CAMTA1: variants seen among roughly 807,000 people sequenced by gnomAD.
CAMTA1 encodes the protein calmodulin binding transcription activator 1.
In CAMTA1, 27 loss-of-function variants were observed where a neutral mutation model predicts 170.9. The observed-to-expected ratio is 0.16, with a 90% CI of 0.12 to 0.22. The LOEUF is 0.22. Among genes scored for constraint, CAMTA1 ranks in the 10% least tolerant of loss-of-function variants. CAMTA1 has a pLI of 1.00. For missense variants in CAMTA1, 1,619 were observed against 2,217.2 expected (o/e 0.73, Z 5.42); for synonymous variants, 833 against 891.5 (o/e 0.93, Z 1.17).
intron 6 of CAMTA1, among the ~76,000 whole-genome samples, chr1:7,509,285 C>T (rs1180112041): frequency 6.6e-6 from 1 of 152,216 alleles, no homozygotes; most frequent in Non-Finnish European, 1.5e-5. Flanking sequence ...CACTTTATCC[C>T]ATCCTCACGC....
intron 6 of CAMTA1, among the ~76,000 whole-genome samples, chr1:7,550,911 C>G (rs2094792288): frequency 1.3e-5 from 2 of 151,950 alleles, no homozygotes. Context: ...CCATAGACAC[C>G]CCAGCTCTCT....
intron 3 of CAMTA1, among the ~76,000 whole-genome samples, chr1:7,072,669 A>G (rs570605513): frequency 6.6e-4 from 101 of 152,214 alleles, no homozygotes; most frequent in African/African-American, 1.1e-3. Context: ...GGATGTTGCT[A>G]TTTCACAGGG....
chr1:7,369,695 A>G (rs115596700), intron 5 of CAMTA1, among the ~76,000 whole-genome samples: 1 of 151,984 alleles, frequency 6.6e-6, no homozygotes, highest in Non-Finnish European at 1.5e-5. Flanking sequence ...GGGCTCACAC[A>G]TAGACCTGGT....
At chr1:7,445,018 C>T (rs995913748) in intron 5 of CAMTA1, among the ~76,000 whole-genome samples, 13 of 126,270 alleles carry the variant, frequency 1.0e-4, no homozygotes, top group African/African-American at 3.3e-4. Context: ...GTAATAAAAG[C>T]GGTTGCAGCT....
At chr1:7,068,105 T>G (rs1709192900) in intron 3 of CAMTA1, among the ~76,000 whole-genome samples, 2 of 152,186 alleles carry the variant, frequency 1.3e-5, no homozygotes. Flanking sequence ...TGGTACATTT[T>G]CCTTCTTCTT....
At chr1:7,084,121 A>G (rs969049050) in intron 3 of CAMTA1, among the ~76,000 whole-genome samples, 1 of 152,162 alleles carries the variant, frequency 6.6e-6, no homozygotes, top group African/African-American at 2.4e-5. Context: ...TAGACTATAG[A>G]GAGATTTTTA....
At chr1:7,613,637 A>C (rs1239577681) in intron 6 of CAMTA1, among the ~76,000 whole-genome samples, 2 of 152,062 alleles carry the variant, frequency 1.3e-5, no homozygotes, top group Non-Finnish European at 2.9e-5. Flanking sequence ...CCAAGCAGGG[A>C]ATGGGAGCCG....
chr1:7,417,363 C>G (rs981332408), intron 5 of CAMTA1, among the ~76,000 whole-genome samples: 1 of 152,262 alleles, frequency 6.6e-6, no homozygotes, highest in African/African-American at 2.4e-5. Flanking sequence ...TGTCTGTGCC[C>G]TGCCCCCAGA....
At chr1:7,342,468 C>T (rs962643226) in intron 5 of CAMTA1, among the ~76,000 whole-genome samples, 7 of 152,122 alleles carry the variant, frequency 4.6e-5, no homozygotes, top group Non-Finnish European at 1.5e-5. Flanking sequence ...CAGGTTGTGC[C>T]TGGAGGAGTG....
intron 5 of CAMTA1, chr1:7,389,892 G>C (rs1413662262): frequency 6.6e-6 from 1 of 152,322 alleles, no homozygotes; most frequent in African/African-American, 2.4e-5. Context: ...TGCTGTTGGG[G>C]GTCCCGTGGC....
chr1:7,654,903 CA>C (rs2149069060), intron 7 of CAMTA1, among the ~76,000 whole-genome samples: 1 of 143,228 alleles, frequency 7.0e-6, no homozygotes, highest in Non-Finnish European at 1.5e-5. Context: ...TACATCTATA[CA>C]CCCACAAACA....
intron 6 of CAMTA1, among the ~76,000 whole-genome samples, chr1:7,611,130 C>A (rs2095520973): frequency 6.6e-6 from 1 of 152,096 alleles, no homozygotes; most frequent in African/African-American, 2.4e-5. Context: ...AGGCGCGGGG[C>A]CATGCAGAAG....
chr1:7,668,454 T>C (rs529550459), intron 9 of CAMTA1, among the ~76,000 whole-genome samples: 16 of 137,648 alleles, frequency 1.2e-4, no homozygotes, highest in African/African-American at 4.1e-4. Context: ...CCCAGAGGCG[T>C]CCCCCTATGC....
At position 7,690,057 on chromosome 1, in the gene CAMTA1, G is replaced by A. The variant is rs538555497; in HGVS notation, c.2914+12324G>A. Among the ~76,000 whole-genome samples, 23 of 152,320 alleles carry A rather than the reference G, an allele frequency of 1.5e-4. No homozygotes were observed. The South Asian group carries it at 4.4e-3, about 29-fold the overall frequency. On this transcript the variant is annotated intron_variant, in intron 11 of 22. Transcript: ENST00000303635. ...GCCTGTAATCCCAGCTACTCGGGAGGCTGAGTGAGACAGGAGAATCACTTG... is the reference window on the plus strand; with the variant it reads ...GCCTGTAATCCCAGCTACTCGGGAGACTGAGTGAGACAGGAGAATCACTTG...
At chr1:7,483,491 C>T (rs181956044) in intron 6 of CAMTA1, among the ~76,000 whole-genome samples, 10 of 152,298 alleles carry the variant, frequency 6.6e-5, no homozygotes, top group Non-Finnish European at 1.2e-4. Context: ...CCCCTCAGAT[C>T]GCAGCCAAAG....
At chr1:7,757,638 G>A (rs2096940385) in intron 22 of CAMTA1, among the ~76,000 whole-genome samples, 1 of 152,028 alleles carries the variant, frequency 6.6e-6, no homozygotes, top group Non-Finnish European at 1.5e-5. Flanking sequence ...ATGGTGGCGT[G>A]TGCAGGAGAA....
At chr1:7,327,484 G>A (rs966823123) in intron 5 of CAMTA1, among the ~76,000 whole-genome samples, 6 of 152,062 alleles carry the variant, frequency 3.9e-5, no homozygotes, top group African/African-American at 1.4e-4. Context: ...CTGTTTTTAG[G>A]GATAACTGCA....
chr1:7,602,571 G>A (rs1457642107), intron 6 of CAMTA1, among the ~76,000 whole-genome samples: 16 of 152,030 alleles, frequency 1.1e-4, no homozygotes, highest in South Asian at 4.2e-4. Flanking sequence ...TCTTGCTAGC[G>A]GTCTATCAAT....
chr1:7,579,394 C>T (rs1405473818), intron 6 of CAMTA1, among the ~76,000 whole-genome samples: 1 of 152,110 alleles, frequency 6.6e-6, no homozygotes, highest in Non-Finnish European at 1.5e-5. Flanking sequence ...GCTTGGGGAA[C>T]CTCATGACAG....
Sources: allele counts gnomAD v4.1 joint callset (sites outside exome capture counted in the v4.1 genomes callset), GRCh38; gene constraint gnomAD v4.1.1; transcripts MANE v1.5; gene names NCBI Gene and HGNC (gene_info 2026-07-23, HGNC 2026-07-21).